PEBP4: variants seen among roughly 807,000 people sequenced by gnomAD.
PEBP4 encodes phosphatidylethanolamine binding protein 4.
Under a neutral mutation model 23.9 loss-of-function variants are expected in PEBP4, and 22 were observed. The ratio of observed to expected loss-of-function variants is 0.92; its 90% confidence interval spans 0.66 to 1.31. The LOEUF (loss-of-function observed/expected upper bound fraction) is 1.31. PEBP4 is among the 40% of genes most tolerant of loss of function. The probability of loss-of-function intolerance (pLI) is 0.00; values close to 1 mark genes in which losing one functional copy is unlikely to be tolerated. For synonymous variants in PEBP4, 112 were observed against 99.3 expected (o/e 1.13, Z -0.76); for missense variants, 324 against 281.7 (o/e 1.15, Z -1.07).
At chr8:22,915,981 G>C (rs1242273328) in intron 3 of PEBP4, among the ~76,000 whole-genome samples, 1 of 152,200 alleles carries the variant, frequency 6.6e-6, no homozygotes, top group African/African-American at 2.4e-5. Flanking sequence ...CAATGAGGGC[G>C]AGAAGGTGCT....
chr8:22,840,148 A>G (rs925144051), intron 3 of PEBP4, among the ~76,000 whole-genome samples: 4 of 152,246 alleles, frequency 2.6e-5, no homozygotes, highest in African/African-American at 9.6e-5. Flanking sequence ...CAGATGAATT[A>G]TATCTAACCG....
intron 4 of PEBP4, among the ~76,000 whole-genome samples, chr8:22,740,063 A>G (rs1214149312): frequency 6.6e-6 from 1 of 152,144 alleles, no homozygotes; most frequent in Non-Finnish European, 1.5e-5. Context: ...TGGTGGGAAG[A>G]GAAAGCATAA....
intron 4 of PEBP4, among the ~76,000 whole-genome samples, chr8:22,786,055 A>G (rs1054141180): frequency 2.6e-5 from 4 of 152,218 alleles, no homozygotes; most frequent in Non-Finnish European, 5.9e-5. Flanking sequence ...AGTGCCCAGC[A>G]TGGAGTAGAA....
At chr8:22,852,085 T>A (rs1807563988) in intron 3 of PEBP4, among the ~76,000 whole-genome samples, 1 of 152,112 alleles carries the variant, frequency 6.6e-6, no homozygotes, top group African/African-American at 2.4e-5. Context: ...GGGGAGTTAT[T>A]GAACTCCCAA....
intron 3 of PEBP4, among the ~76,000 whole-genome samples, chr8:22,817,950 T>C (rs765308662): frequency 6.6e-6 from 1 of 152,190 alleles, no homozygotes; most frequent in Non-Finnish European, 1.5e-5. Flanking sequence ...GACTCTTGGC[T>C]TCCTCTTTGT....
At chr8:22,871,954 A>C (rs1172875118) in intron 3 of PEBP4, among the ~76,000 whole-genome samples, 1 of 152,070 alleles carries the variant, frequency 6.6e-6, no homozygotes, top group Non-Finnish European at 1.5e-5. Context: ...CAAGTCCCCA[A>C]AATCCATTAT....
rs547126075 is a variant in PEBP4 at position 22,884,289 on chromosome 8, A to G, written c.258+35895T>C. ...GTTGAAGAGCTGTTATCTGAGATTT[A>G]TAGCCCCAAATCTATGAGATAGACT... is the stretch of plus-strand genomic sequence containing the variant. On this transcript the variant is annotated intron_variant, in intron 3 of 6. Transcript: ENST00000256404. 3 of 152,226 alleles carry G rather than the reference A, an allele frequency of 2.0e-5. 1 individual carries two copies. Among genetic ancestry groups the G allele is most frequent in the Non-Finnish European group, 4.4e-5 (3 of 68,038 alleles). The allele number at this position is 152,226 out of a possible 1,614,324, so 9.4% of individuals were successfully genotyped here. A position where few individuals can be genotyped will look rare whatever the true frequency, so the allele number is the denominator to read the frequency against.
Position 22,793,078 on chromosome 8 carries a change from T to C in PEBP4, c.357+24559A>G, listed in dbSNP as rs147056702. 7.2e-3 allele frequency among the ~76,000 whole-genome samples: 1,092 copies of C among 152,306 alleles called. 17 individuals are homozygous for C. The highest frequency in any genetic ancestry group is 0.025 in the African/African-American group (1,045 of 41,556). On this transcript the variant is annotated intron_variant, in intron 4 of 6. Transcript: ENST00000256404. ...CAAAGAATATAAAAATCACTCATAA[T>C]CGTACTACCCAGACTTAACTATTAT...
intron 1 of PEBP4, among the ~76,000 whole-genome samples, chr8:22,936,374 T>C (rs9644026): frequency 0.43 from 65,724 of 151,938 alleles, 15,461 homozygotes; most frequent in African/African-American, 0.62. Context: ...GACAAATTCC[T>C]GGAAACATAA....
intron 4 of PEBP4, among the ~76,000 whole-genome samples, chr8:22,764,761 T>C (rs950344657): frequency 6.6e-6 from 1 of 151,880 alleles, no homozygotes; most frequent in Non-Finnish European, 1.5e-5. Context: ...GGATCGGTCA[T>C]ACACCCCATG....
chr8:22,846,723 T>TA (rs1345217044), intron 3 of PEBP4, among the ~76,000 whole-genome samples: 1 of 152,164 alleles, frequency 6.6e-6, no homozygotes, highest in Non-Finnish European at 1.5e-5. Flanking sequence ...TGCCCACATC[T>TA]ACCATGGCCT....
chr8:22,817,732 C>T lies in PEBP4; in HGVS notation c.262G>A (p.Ala88Thr), dbSNP rs766153957. ...TCCACCATCACCAGGATATAGGTTG[C>T]GCCCTGTAACACATGTACCGAAAAG... Reference protein sequence around the residue: ...IVKFPGAVDGATYILVMVDPD... With the variant: ...IVKFPGAVDGTTYILVMVDPD... Residue 88 changes from alanine (A) to threonine (T), a missense_variant, in exon 4 of 7, where the codon GCA (alanine) becomes ACA (threonine). Coordinates refer to ENST00000256404, the MANE Select transcript of PEBP4 (RefSeq NM_144962.3). 2.9e-5 allele frequency: 46 copies of T among 1,613,696 alleles called. No homozygotes were observed. The highest frequency in any genetic ancestry group is 1.9e-4 in the African/African-American group (14 of 74,902).
chr8:22,921,052 G>A (rs1257269344), intron 2 of PEBP4, among the ~76,000 whole-genome samples: 1 of 152,210 alleles, frequency 6.6e-6, no homozygotes, highest in East Asian at 1.9e-4. Flanking sequence ...GCAGAGCAAG[G>A]CAACAGAGCC....
chr8:22,801,356 G>A (rs927434293), intron 4 of PEBP4, among the ~76,000 whole-genome samples: 4 of 152,170 alleles, frequency 2.6e-5, no homozygotes, highest in Non-Finnish European at 5.9e-5. Flanking sequence ...GCAGTCGTAT[G>A]GACCCAGGTC....
At chr8:22,831,145 C>G (rs57576298) in intron 3 of PEBP4, among the ~76,000 whole-genome samples, 11,545 of 152,252 alleles carry the variant, frequency 0.076, 760 homozygotes, top group African/African-American at 0.17. Context: ...CCTGGAACTA[C>G]TTAACTTTCA....
chr8:22,813,739 G>C (rs1309528052), intron 4 of PEBP4, among the ~76,000 whole-genome samples: 1 of 152,192 alleles, frequency 6.6e-6, no homozygotes, highest in Non-Finnish European at 1.5e-5. Flanking sequence ...CTTGCTCAAT[G>C]AGAACTTTTC....
intron 3 of PEBP4, among the ~76,000 whole-genome samples, chr8:22,852,253 C>T (rs190616544): frequency 6.6e-6 from 1 of 152,344 alleles, no homozygotes; most frequent in Non-Finnish European, 1.5e-5. Flanking sequence ...CTGCCCTCCA[C>T]CTCCAAAGCG....
intron 4 of PEBP4, among the ~76,000 whole-genome samples, chr8:22,772,415 C>T (rs1805733819): frequency 6.6e-6 from 1 of 151,734 alleles, no homozygotes; most frequent in Admixed American, 6.6e-5. Context: ...GTTCCATGCC[C>T]ATTATATACC....
intron 3 of PEBP4, among the ~76,000 whole-genome samples, chr8:22,845,900 A>G (rs1807423719): frequency 6.6e-6 from 1 of 152,242 alleles, no homozygotes; most frequent in African/African-American, 2.4e-5. Flanking sequence ...AATGCGCGAA[A>G]TGACTGGCGT....
Sources: gnomAD v4.1 joint callset for allele counts (sites outside exome capture counted in the v4.1 genomes callset) on GRCh38, gnomAD v4.1.1 for gene constraint, MANE v1.5 for transcripts, NCBI Gene and HGNC (gene_info 2026-07-23, HGNC 2026-07-21) for gene names.